The following POLR2B variants were observed in gnomAD, a reference collection of about 807,000 sequenced individuals.
POLR2B encodes RNA polymerase II subunit B, also known as DNA-directed RNA polymerase II subunit RPB2.
In POLR2B, 57 loss-of-function variants were observed where a neutral mutation model predicts 144.6. That is an observed-to-expected ratio of 0.39 (90% confidence interval 0.32 to 0.49). The LOEUF (loss-of-function observed/expected upper bound fraction) is 0.49. Among genes scored for constraint, POLR2B ranks in the 20% least tolerant of loss-of-function variants. The pLI is 0.83. For missense variants in POLR2B, 595 were observed against 1,467.4 expected, an observed-to-expected ratio of 0.41 and a Z score of 9.71; for synonymous variants, 442 against 469.8, an observed-to-expected ratio of 0.94 and a Z score of 0.77.
At chr4:56,996,071 T>C (rs1318331453) in intron 6 of POLR2B, among the ~76,000 whole-genome samples, 4 of 152,038 alleles carry the variant, frequency 2.6e-5, no homozygotes, top group East Asian at 3.9e-4. Context: ...GGTATAGTTA[T>C]AAGCATAGGT....
In POLR2B at chr4:57,023,654, G is replaced by T. The variant is rs370104566; in HGVS notation, c.2767-8G>T. The stretch of plus-strand genomic sequence containing the variant: ...CCACTTAACTAACTTATTTTTATAT[G>T]AATTTAGGTACGCTCTGTTAGGATT... On this transcript the variant is annotated splice_polypyrimidine_tract_variant and splice_region_variant and intron_variant, in intron 19 of 24. Coordinates refer to ENST00000314595, the MANE Select transcript of POLR2B (RefSeq NM_000938.3). The surrounding 1 kb of genome is among the most constrained non-coding windows in gnomAD (Gnocchi z 4.3). The T allele has an allele frequency of 1.2e-6, 2 of 1,610,998 alleles. No individual in the cohort carries two copies. Among genetic ancestry groups the T allele is most frequent in the Non-Finnish European group, 1.7e-6 (2 of 1,178,224 alleles).
chr4:57,004,673 A>G lies in POLR2B; in HGVS notation c.901-573A>G, dbSNP rs374764222. On this transcript the variant is annotated intron_variant, in intron 7 of 24. Transcript: ENST00000314595. ...TTTATTTTTCCATTGGTAAAATGTA[A>G]AAAAGAAACGCACCACTCTTTTTCC... 5.4e-4 allele frequency among the ~76,000 whole-genome samples: 83 copies of G among 152,300 alleles called. 1 individual carries two copies. In the South Asian group the frequency reaches 0.014, roughly 26 times the overall value.
chr4:57,016,504 G>C (rs1423114106), intron 14 of POLR2B, among the ~76,000 whole-genome samples: 2 of 151,456 alleles, frequency 1.3e-5, no homozygotes, highest in Admixed American at 6.6e-5. Context: ...CTGGGCAACA[G>C]AGCAAGACCC....
chr4:56,998,788 C>G (rs1722767093), intron 6 of POLR2B, among the ~76,000 whole-genome samples: 1 of 152,016 alleles, frequency 6.6e-6, no homozygotes. Context: ...GCTGAGGGTA[C>G]AAGAAAAAGA....
intron 1 of POLR2B, chr4:56,985,583 G>A (rs1358179826): frequency 3.8e-6 from 2 of 532,448 alleles, no homozygotes; most frequent in African/African-American, 2.1e-5. Flanking sequence ...GTCTTTTTTA[G>A]TAGAGACAGG....
chr4:56,994,734 T>C lies in POLR2B; in HGVS notation c.444T>C (p.Phe148=), dbSNP rs752185601. The C allele has an allele frequency of 6.2e-7, 1 of 1,613,716 alleles. No individual in the cohort carries two copies. The highest frequency in any genetic ancestry group is 1.3e-5 in the African/African-American group (1 of 75,048). ...EQLQTQHQKT[F]IGKIPIMLRS... is the part of the protein sequence containing the mutation. ...TTCAGACTCAGCATCAGAAAACTTTTATAGGAAAAATTCCAATTATGTTGC... is the reference window on the plus strand; with the variant it reads ...TTCAGACTCAGCATCAGAAAACTTTCATAGGAAAAATTCCAATTATGTTGC... The change falls in exon 5 of 25, where the codon TTT becomes TTC. Residue 148 remains phenylalanine (F), a synonymous_variant. Coordinates refer to ENST00000314595, the MANE Select transcript of POLR2B (RefSeq NM_000938.3).
At chr4:57,025,060 A>G (rs1346480333) in intron 22 of POLR2B, 61 bp downstream of exon 22, 6 of 814,222 alleles carry the variant, frequency 7.4e-6, no homozygotes, top group Non-Finnish European at 1.2e-5. Flanking sequence ...GTGTAGTTTT[A>G]TTCTGAAACA....
chr4:57,030,786 C>A, intron 24 of POLR2B, 113 bp from the exon 25 acceptor site: 1 of 669,934 alleles, frequency 1.5e-6, no homozygotes, highest in Non-Finnish European at 2.7e-6. Flanking sequence ...GTGTTCTCAG[C>A]TCCACTCATT....
At chr4:57,024,782 T>C (rs749330579) in intron 21 of POLR2B, 104 bp from the exon 22 acceptor site, 2 of 639,168 alleles carry the variant, frequency 3.1e-6, no homozygotes, top group South Asian at 1.8e-5. Flanking sequence ...TACTTTCAAA[T>C]TTTAAAAGTA....
chr4:57,013,949 T>TAA lies in POLR2B; in HGVS notation c.1801-1538_1801-1537dup, dbSNP rs11310734. Among the ~76,000 whole-genome samples the TAA allele has an allele frequency of 3.4e-3, 455 of 135,658 alleles. 3 individuals carry two copies. The highest frequency in any genetic ancestry group is 0.011 in the African/African-American group (423 of 37,262). The allele number at this position is 135,658 out of a possible 152,430, so 89.0% of individuals were successfully genotyped here. On this transcript the variant is annotated intron_variant, in intron 13 of 24. Transcript: ENST00000314595. ...CAACATATCAAGACCATGTTTATAT[T>TAA]AAAAAAAAAAAAAAAAGAGAAAAAG...
At position 57,006,978 on chromosome 4, in the gene POLR2B, TC is replaced by T; in HGVS notation, c.1381del (p.Gln461LysfsTer10). 1 of 1,613,842 alleles carries T rather than the reference TC, an allele frequency of 6.2e-7. No homozygotes were observed. The highest frequency in any genetic ancestry group is 2.2e-5 in the East Asian group (1 of 44,868). Reference sequence around the variant, plus strand: ...ACTGGGGTGATCAAAAGAAAGCTCATCAAGCCAGAGCTGGAGTATCTCAGGT... The same window carrying T: ...ACTGGGGTGATCAAAAGAAAGCTCATAAGCCAGAGCTGGAGTATCTCAGGT... ...GNWGDQKKAHQARAGVSQVLN... is the reference protein window; with the variant it reads ...GNWGDQKKAHXARAGVSQVLN... On this transcript the variant is annotated frameshift_variant, in exon 10 of 25. Coordinates refer to ENST00000314595, the MANE Select transcript of POLR2B (RefSeq NM_000938.3). LOFTEE classifies it high-confidence loss of function.
chr4:57,015,246 G>C (rs547657085), intron 13 of POLR2B, among the ~76,000 whole-genome samples: 1 of 152,122 alleles, frequency 6.6e-6, no homozygotes, highest in Non-Finnish European at 1.5e-5. Context: ...TATTTCCTAC[G>C]TTAACTTGCA....
chr4:56,986,409 A>G lies in POLR2B; in HGVS notation c.75A>G (p.Ala25=), dbSNP rs1722334690. 1.2e-6 allele frequency: 2 copies of G among 1,611,690 alleles called. No homozygotes were observed. Among genetic ancestry groups the G allele is most frequent in the South Asian group, 1.1e-5 (1 of 91,004 alleles). ...TCACCCCGGATTTGTGGCAAGAAGCATGCTGGATTGTAATCAGGTAACTTT... is the reference window on the plus strand; with the variant it reads ...TCACCCCGGATTTGTGGCAAGAAGCGTGCTGGATTGTAATCAGGTAACTTT... The part of the protein sequence containing the change: ...DEITPDLWQE[A]CWIVISSYFD... Residue 25 remains alanine, a synonymous_variant, in exon 2 of 25, where the codon GCA becomes GCG. Transcript: ENST00000314595.
chr4:57,022,642 G>A (rs900366741), intron 18 of POLR2B, among the ~76,000 whole-genome samples: 1 of 152,098 alleles, frequency 6.6e-6, no homozygotes, highest in Admixed American at 6.5e-5. Flanking sequence ...AGTGAGAAGA[G>A]GATACCTAGC....
chr4:57,005,504 T>C, intron 8 of POLR2B, 62 bp downstream of exon 8: 1 of 1,492,100 alleles, frequency 6.7e-7, no homozygotes, highest in Non-Finnish European at 9.0e-7. Flanking sequence ...AAGGTTTTTC[T>C]TAGAGTCAAA....
In POLR2B at chr4:57,023,775, T is replaced by C. The variant is rs1723625358; in HGVS notation, c.2856+24T>C. The C allele has an allele frequency of 7.1e-7, 1 of 1,404,070 alleles. No individual in the cohort carries two copies. The highest frequency in any genetic ancestry group is 9.9e-7 in the Non-Finnish European group (1 of 1,015,188). 87.0% of individuals were successfully genotyped at this position (1,404,070 alleles called of 1,614,324 possible). A position where few individuals can be genotyped will look rare whatever the true frequency, so the allele number is the denominator to read the frequency against. On this transcript the variant is annotated intron_variant, in intron 20 of 24. Transcript: ENST00000314595. The surrounding 1 kb of genome is among the most constrained non-coding windows in gnomAD (Gnocchi z 4.3). ...AGGTAGGTATCTTTGATCTCCCTCA[T>C]GCCCAAACCAGTTTTGTTAAATATT...
At chr4:57,004,510 G>A (rs1457849211) in intron 7 of POLR2B, among the ~76,000 whole-genome samples, 4 of 152,092 alleles carry the variant, frequency 2.6e-5, no homozygotes. Context: ...AGGATTATAG[G>A]AGTAAGCCCC....
At chr4:56,984,328 T>A (rs1357262922) in intron 1 of POLR2B, among the ~76,000 whole-genome samples, 2 of 112,540 alleles carry the variant, frequency 1.8e-5, no homozygotes, top group East Asian at 2.7e-4. Context: ...TCCAACTATG[T>A]ACTTTTTTTT....
intron 7 of POLR2B, chr4:57,002,661 T>C (rs1722891687): frequency 6.6e-6 from 1 of 152,178 alleles, no homozygotes; most frequent in African/African-American, 2.4e-5. Context: ...GTTTCCATGA[T>C]TGGAATTTTG....
Sources: gnomAD v4.1 joint callset for allele counts (sites outside exome capture counted in the v4.1 genomes callset) on GRCh38, gnomAD v4.1.1 for gene constraint, Gnocchi (gnomAD v3.1) non-coding constraint, MANE v1.5 for transcripts, NCBI Gene and HGNC (gene_info 2026-07-23, HGNC 2026-07-21) for gene names.